The following DDX20 variants were observed in gnomAD, a reference collection of about 807,000 sequenced individuals.
DDX20 encodes DEAD-box helicase 20, also known as probable ATP-dependent RNA helicase DDX20.
DDX20 carries 61 observed loss-of-function variants against 76.4 expected under a neutral mutation model. The observed-to-expected ratio is 0.80, with a 90% CI of 0.65 to 0.99. DDX20 has a LOEUF of 0.99. Among genes scored for constraint, DDX20 ranks in the 50% least tolerant of loss-of-function variants. The pLI is 0.00. For synonymous variants in DDX20, 357 were observed against 357.4 expected, an observed-to-expected ratio of 1.00 and a Z score of 0.01; for missense variants, 976 against 996.8, an observed-to-expected ratio of 0.98 and a Z score of 0.28.
Position 111,756,124 on chromosome 1 carries a change from T to A in DDX20, c.200T>A (p.Leu67Gln). Residue 67 changes from leucine (L) to glutamine (Q), a missense_variant, in exon 1 of 11, where the codon CTG becomes CAG. Coordinates refer to ENST00000369702, the MANE Select transcript of DDX20 (RefSeq NM_007204.5). Reference sequence around the variant, plus strand: ...GCGGAGCCGGCCGACTTCGAGTCACTGCTGCTTTCGCGGCCGGTGCTGGAG... The same window carrying A: ...GCGGAGCCGGCCGACTTCGAGTCACAGCTGCTTTCGCGGCCGGTGCTGGAG... The part of the protein sequence containing the change: ...LLAEPADFES[L>Q]LLSRPVLEGL... 1 of 1,592,204 alleles carries A rather than the reference T, an allele frequency of 6.3e-7. No individual in the cohort carries two copies. Among genetic ancestry groups the A allele is most frequent in the Non-Finnish European group, 8.5e-7 (1 of 1,176,596 alleles).
intron 2 of DDX20, among the ~76,000 whole-genome samples, chr1:111,758,395 A>G (rs970620486): frequency 1.1e-4 from 10 of 92,692 alleles, no homozygotes; most frequent in Admixed American, 9.8e-4. Context: ...TTTTTCTTGT[A>G]GTTAAGAGCA....
At position 111,756,086 on chromosome 1, in the gene DDX20, G is replaced by A; in HGVS notation, c.162G>A (p.Gly54=). The change falls in exon 1 of 11, where the codon GGG becomes GGA. Residue 54 remains glycine (G), a synonymous_variant. Transcript: ENST00000369702. ...TCAGCAGCCCGCGGACCCGCACGGGGGATGTGCTGTTGGCGGAGCCGGCCG... is the reference window on the plus strand; with the variant it reads ...TCAGCAGCCCGCGGACCCGCACGGGAGATGTGCTGTTGGCGGAGCCGGCCG... ...QDLSSPRTRT[G]DVLLAEPADF... is the part of the protein sequence containing the mutation. 11 of 1,604,822 alleles carry A rather than the reference G, an allele frequency of 6.9e-6. No individual in the cohort carries two copies. The highest frequency in any genetic ancestry group is 1.1e-5 in the South Asian group (1 of 90,754).
intron 2 of DDX20, 147 bp from the exon 3 acceptor site, chr1:111,759,253 C>T: frequency 1.6e-6 from 1 of 634,028 alleles, no homozygotes; most frequent in Non-Finnish European, 2.4e-6. Flanking sequence ...CTGTGGATAC[C>T]AAGGGATAAC....
chr1:111,758,209 CTGTG>C (rs1553233743), intron 2 of DDX20, among the ~76,000 whole-genome samples: 5 of 152,074 alleles, frequency 3.3e-5, no homozygotes, highest in Non-Finnish European at 4.4e-5. Context: ...ACATTATTCT[CTGTG>C]TGTGTATCAA....
At chr1:111,761,350 A>G (rs1467780398) in intron 7 of DDX20, 66 bp downstream of exon 7, 2 of 1,309,288 alleles carry the variant, frequency 1.5e-6, no homozygotes, top group Non-Finnish European at 2.2e-6. Flanking sequence ...AGTCAGGAGG[A>G]AAAAATACCA....
At position 111,760,787 on chromosome 1, in the gene DDX20, G is replaced by C. The variant is rs1663657306; in HGVS notation, c.762G>C (p.Leu254Phe). 4.3e-6 allele frequency: 7 copies of C among 1,613,790 alleles called. No individual in the cohort carries two copies. In the South Asian group the frequency reaches 7.7e-5, roughly 18 times the overall value. The stretch of plus-strand genomic sequence containing the variant: ...ATCCCGAATTTTTGGCTAATGCTTT[G>C]ACAAAGTACATGAGAGATCCCACTT... Reference protein sequence around the residue: ...ATYPEFLANALTKYMRDPTFV... With the variant: ...ATYPEFLANAFTKYMRDPTFV... The change falls in exon 5 of 11, where the codon TTG becomes TTC. Residue 254 changes from leucine (L) to phenylalanine (F), a missense_variant. Leu to Phe is a conservative substitution (Grantham distance 22, BLOSUM62 0). This residue lies in a region of DDX20 where 630 missense variants were observed against 693.7 expected (regional missense o/e 0.91). Transcript: ENST00000369702.
chr1:111,766,409 GA>G lies in DDX20; in HGVS notation c.1987del (p.Thr663ProfsTer20), dbSNP rs1047915222. The G allele has an allele frequency of 1.5e-5, 24 of 1,614,058 alleles. No homozygotes were observed. The highest frequency in any genetic ancestry group is 1.9e-5 in the Non-Finnish European group (23 of 1,180,028). On this transcript the variant is annotated frameshift_variant, in exon 11 of 11. Transcript: ENST00000369702. LOFTEE classifies it high-confidence loss of function. ...SESDSDSYSSRTSSQSKGNKS... is the reference protein window; with the variant it reads ...SESDSDSYSSXTSSQSKGNKS... Reference sequence around the variant, plus strand: ...AGTGACAGTGATTCTTACAGCTCAAGAACCTCTTCCCAGAGCAAAGGAAATA... The same window carrying G: ...AGTGACAGTGATTCTTACAGCTCAAGACCTCTTCCCAGAGCAAAGGAAATA...
At position 111,756,015 on chromosome 1, in the gene DDX20, G is replaced by C. The variant is rs548717080; in HGVS notation, c.91G>C (p.Glu31Gln). 9.9e-6 allele frequency: 16 copies of C among 1,609,178 alleles called. No individual in the cohort carries two copies. The African/African-American group carries it at 1.2e-4, about 12-fold the overall frequency. The change falls in exon 1 of 11, where the codon GAG becomes CAG. Residue 31 changes from glutamate (E) to glutamine (Q), a missense_variant. Physicochemically the swap from Glu to Gln is conservative, Grantham distance 29. This residue lies in a region of DDX20 where 343 missense variants were observed against 286.4 expected (regional missense o/e 1.20). Coordinates refer to ENST00000369702, the MANE Select transcript of DDX20 (RefSeq NM_007204.5). ...EHVAVQVPAPEPTPGPVRILR... is the reference protein window; with the variant it reads ...EHVAVQVPAPQPTPGPVRILR... ...TGTGGCCGTGCAGGTCCCGGCCCCA[G>C]AGCCAACACCCGGGCCTGTGAGGAT...
At chr1:111,756,367 T>A in intron 1 of DDX20, 142 bp downstream of exon 1, 1 of 868,326 alleles carries the variant, frequency 1.2e-6, no homozygotes, top group Non-Finnish European at 1.7e-6. Flanking sequence ...GGCTAGGCGC[T>A]ACGCTCAGTT....
Position 111,760,547 on chromosome 1 carries a change from A to C in DDX20, c.639A>C (p.Ala213=), listed in dbSNP as rs555211576. The C allele has an allele frequency of 7.9e-4, 1,273 of 1,613,540 alleles. 17 individuals carry two copies. In the South Asian group the frequency reaches 0.013, roughly 17 times the overall value. Residue 213 remains alanine, a synonymous_variant, in exon 4 of 11, where the codon GCA becomes GCC. Transcript: ENST00000369702. ...TACGCCTCTTTATTCTTGATGAAGC[A>C]GATAAGCTTTTAGAAGAAGGCAGCT... ...GSIRLFILDE[A]DKLLEEGSFQ...
chr1:111,762,290 G>T lies in DDX20; in HGVS notation c.1057G>T (p.Ala353Ser). ...TCAGAATCAGCGTCTTGATGCTATG[G>T]CTAAACTGAAGCACTTTCATTGCAG... ...MNQNQRLDAM[A>S]KLKHFHCRVL... Residue 353 changes from alanine to serine, a missense_variant, in exon 8 of 11, where the codon GCT becomes TCT. Coordinates refer to ENST00000369702, the MANE Select transcript of DDX20 (RefSeq NM_007204.5). 1 of 1,613,462 alleles carries T rather than the reference G, an allele frequency of 6.2e-7. No individual in the cohort carries two copies. Among genetic ancestry groups the T allele is most frequent in the Non-Finnish European group, 8.5e-7 (1 of 1,179,768 alleles).
intron 2 of DDX20, 141 bp downstream of exon 2, chr1:111,756,881 T>C: frequency 1.5e-6 from 1 of 661,978 alleles, no homozygotes; most frequent in South Asian, 1.8e-5. Flanking sequence ...AAATTTGGAA[T>C]TTTCTATGCG....
chr1:111,763,130 C>T (rs1025498357), intron 10 of DDX20, 123 bp downstream of exon 10: 11 of 723,878 alleles, frequency 1.5e-5, no homozygotes, highest in African/African-American at 7.1e-5. Context: ...CCTGTATGTA[C>T]GTTAACTCAT....
intron 10 of DDX20, among the ~76,000 whole-genome samples, chr1:111,764,397 T>C (rs1332117559): frequency 6.6e-6 from 1 of 152,266 alleles, no homozygotes; most frequent in Non-Finnish European, 1.5e-5. Flanking sequence ...TTAATTATTT[T>C]ACAGAGCTAG....
chr1:111,756,681 AC>A lies in DDX20; in HGVS notation c.339del (p.Cys114ValfsTer6). The part of the protein sequence containing the change: ...IVQAKSGTGK[T>X]CVFSTIALDS... ...TCAAGCTAAATCTGGCACCGGGAAA[AC>A]CTGTGTGTTCTCCACCATAGCTTTG... On this transcript the variant is annotated frameshift_variant, in exon 2 of 11. Transcript: ENST00000369702. LOFTEE classifies it high-confidence loss of function. 6.2e-7 allele frequency: 1 copy of A among 1,613,910 alleles called. No individual in the cohort carries two copies. The highest frequency in any genetic ancestry group is 8.5e-7 in the Non-Finnish European group (1 of 1,179,950).
intron 7 of DDX20, 36 bp from the exon 8 acceptor site, chr1:111,762,219 T>C (rs374086002): frequency 3.9e-5 from 61 of 1,560,190 alleles, no homozygotes; most frequent in Admixed American, 5.3e-5. Context: ...ATTAGCTTAG[T>C]TGTTTTTATG....
intron 2 of DDX20, among the ~76,000 whole-genome samples, chr1:111,757,446 G>A (rs1449772152): frequency 6.6e-6 from 1 of 152,098 alleles, no homozygotes; most frequent in African/African-American, 2.4e-5. Flanking sequence ...ACCCAAATTA[G>A]CAGGAAATTT....
At chr1:111,757,340 C>T (rs1663582982) in intron 2 of DDX20, among the ~76,000 whole-genome samples, 1 of 152,174 alleles carries the variant, frequency 6.6e-6, no homozygotes, top group Non-Finnish European at 1.5e-5. Flanking sequence ...CATGAGCCAC[C>T]ACAGCCGGTA....
rs763380939 is a variant in DDX20 at position 111,765,809 on chromosome 1, A to G, written c.1385A>G (p.Tyr462Cys). The change falls in exon 11 of 11, where the codon TAT becomes TGT. Residue 462 changes from tyrosine (Y) to cysteine (C), a missense_variant. Physicochemically the swap from Tyr to Cys is radical, Grantham distance 194. This residue lies in a region of DDX20 where 630 missense variants were observed against 693.7 expected (regional missense o/e 0.91). Transcript: ENST00000369702. ...DVEVKAAVHT[Y>C]GIASVPNQPL... is the part of the protein sequence containing the mutation. Reference sequence around the variant, plus strand: ...GAAGTTAAAGCTGCTGTGCATACATATGGTATAGCAAGTGTACCTAACCAA... The same window carrying G: ...GAAGTTAAAGCTGCTGTGCATACATGTGGTATAGCAAGTGTACCTAACCAA... 5 of 1,613,894 alleles carry G rather than the reference A, an allele frequency of 3.1e-6. No individual in the cohort carries two copies. In the Admixed American group the frequency reaches 5.0e-5, roughly 16 times the overall value.
Sources: allele counts gnomAD v4.1 joint callset (sites outside exome capture counted in the v4.1 genomes callset), GRCh38; gene constraint gnomAD v4.1.1; regional missense constraint gnomAD v4.1.1; transcripts MANE v1.5; gene names NCBI Gene and HGNC (gene_info 2026-07-23, HGNC 2026-07-21).